ZBBX: variants seen among roughly 807,000 people sequenced by gnomAD.
ZBBX encodes zinc finger B-box domain containing.
A neutral mutation model predicts 108.5 loss-of-function variants in ZBBX; 101 were observed. The observed-to-expected ratio is 0.93, with a 90% CI of 0.79 to 1.10. The LOEUF (loss-of-function observed/expected upper bound fraction) is 1.10, where lower values mean the gene tolerates loss of function less well. Ranked by LOEUF, ZBBX falls within the 50% of genes least tolerant of loss-of-function variation. ZBBX has a pLI of 0.00. For synonymous variants in ZBBX, 356 were observed against 323.4 expected, an observed-to-expected ratio of 1.10 and a Z score of -1.08; for missense variants, 1,009 against 941.4, an observed-to-expected ratio of 1.07 and a Z score of -0.94.
intron 20 of ZBBX, among the ~76,000 whole-genome samples, chr3:167,272,764 G>A (rs1291567646): frequency 6.6e-6 from 1 of 152,108 alleles, no homozygotes; most frequent in East Asian, 1.9e-4. Flanking sequence ...AGTGAAAGGC[G>A]CCCCCTACCA....
chr3:167,315,934 GATGTT>G, intron 14 of ZBBX, 105 bp from the exon 15 acceptor site: 1 of 624,612 alleles, frequency 1.6e-6, no homozygotes, highest in Non-Finnish European at 2.7e-6. Flanking sequence ...TCCTACAAAT[GATGTT>G]ATGAGAGCTC....
At chr3:167,249,810 G>A (rs908916414) in intron 20 of ZBBX, among the ~76,000 whole-genome samples, 4 of 152,284 alleles carry the variant, frequency 2.6e-5, no homozygotes, top group East Asian at 1.9e-4. Context: ...CATATATAGC[G>A]TCAGAGAAGG....
upstream of ZBBX, chr3:167,381,252 T>A (rs1198021282): frequency 1.3e-5 from 2 of 152,188 alleles, no homozygotes; most frequent in Non-Finnish European, 2.9e-5. Flanking sequence ...ACAATGGTAG[T>A]CTTCTGGTTA....
chr3:167,252,896 A>G (rs1722863033), intron 20 of ZBBX, among the ~76,000 whole-genome samples: 1 of 152,216 alleles, frequency 6.6e-6, no homozygotes, highest in African/African-American at 2.4e-5. Flanking sequence ...ATCAATTTTT[A>G]AAATTACAAA....
chr3:167,279,220 C>T (rs1576870066), intron 20 of ZBBX, among the ~76,000 whole-genome samples: 1 of 152,280 alleles, frequency 6.6e-6, no homozygotes, highest in Non-Finnish European at 1.5e-5. Flanking sequence ...CACTCCTGTT[C>T]AACATAGTGT....
chr3:167,363,960 A>G (rs920821127), intron 6 of ZBBX, among the ~76,000 whole-genome samples: 1 of 152,086 alleles, frequency 6.6e-6, no homozygotes, highest in African/African-American at 2.4e-5. Flanking sequence ...ACATTGCTCA[A>G]AAGCTCTTTG....
rs1744242268 is a variant in ZBBX, at chr3:167,359,958, T to C, written c.344A>G (p.Asn115Ser). 6.3e-7 allele frequency: 1 copy of C among 1,593,096 alleles called. No homozygotes were observed. Among genetic ancestry groups the C allele is most frequent in the African/African-American group, 1.3e-5 (1 of 74,076 alleles). The change falls in exon 8 of 22, where the codon AAT becomes AGT. Residue 115 changes from asparagine (N) to serine (S), a missense_variant. Transcript: ENST00000675490. Reference sequence around the variant, plus strand: ...TTCTGAAGAATTTGCCATTTTATAATTAACTGTTGGTTTCACTGGCTCTGC... The same window carrying C: ...TTCTGAAGAATTTGCCATTTTATAACTAACTGTTGGTTTCACTGGCTCTGC... ...QIQEPVKPTV[N>S]YKMANSSECE...
intron 20 of ZBBX, among the ~76,000 whole-genome samples, chr3:167,249,941 A>G (rs2108352451): frequency 6.6e-6 from 1 of 152,340 alleles, no homozygotes; most frequent in South Asian, 2.1e-4. Flanking sequence ...TGGAGGGCTT[A>G]CGTAGGACTA....
intron 18 of ZBBX, among the ~76,000 whole-genome samples, 177 bp downstream of exon 18, chr3:167,298,128 G>A (rs1362271186): frequency 6.6e-6 from 1 of 151,982 alleles, no homozygotes; most frequent in Non-Finnish European, 1.5e-5. Context: ...TAGTTTCATT[G>A]TAAGTCATAG....
rs1486466326 is a variant in ZBBX, at chr3:167,305,857, C to A, written c.1511G>T (p.Arg504Ile). 1.2e-6 allele frequency: 2 copies of A among 1,609,934 alleles called. No homozygotes were observed. The highest frequency in any genetic ancestry group is 2.2e-5 in the East Asian group (1 of 44,736). Residue 504 changes from arginine to isoleucine, a missense_variant, in exon 17 of 22, where the codon AGA becomes ATA. Physicochemically the swap from Arg to Ile is moderately conservative, Grantham distance 97 (BLOSUM62 -3). Transcript: ENST00000675490. ...ACCTATATTTTTCTCCTTTAAATTT[C>A]TTTCAAAGGAGGTGCTTTCCTCAAT... The part of the protein sequence containing the change: ...EKIEESTSFE[R>I]NLKEKNIGLE...
intron 9 of ZBBX, among the ~76,000 whole-genome samples, chr3:167,341,863 C>T (rs1740587990): frequency 6.6e-6 from 1 of 151,790 alleles, no homozygotes; most frequent in South Asian, 2.1e-4. Flanking sequence ...CAAATAGCAA[C>T]AAAATTTGTC....
chr3:167,183,134 C>G, the ZBBX span, among the ~76,000 whole-genome samples: 1 of 152,244 alleles, frequency 6.6e-6, no homozygotes, highest in South Asian at 2.1e-4. Flanking sequence ...CCTCTCCCTC[C>G]TTTGCCACTT....
At chr3:167,330,945 T>G (rs12632641) in intron 10 of ZBBX, among the ~76,000 whole-genome samples, 1 of 87,172 alleles carries the variant, frequency 1.1e-5, no homozygotes. Context: ...CTCTCTTTCT[T>G]TCTCTCTCTC....
chr3:167,349,083 A>G (rs1308221254), intron 9 of ZBBX, among the ~76,000 whole-genome samples: 1 of 152,006 alleles, frequency 6.6e-6, no homozygotes, highest in African/African-American at 2.4e-5. Flanking sequence ...TCAAATTTGG[A>G]TAAATCTTGA....
the ZBBX span, among the ~76,000 whole-genome samples, chr3:167,194,795 T>A: frequency 2.0e-5 from 3 of 152,166 alleles, no homozygotes; most frequent in East Asian, 5.8e-4. Flanking sequence ...TTTAAGGAAC[T>A]GTAGTTTGAC....
intron 6 of ZBBX, among the ~76,000 whole-genome samples, chr3:167,361,275 A>C (rs1421215323): frequency 1.3e-5 from 2 of 152,184 alleles, no homozygotes; most frequent in African/African-American, 4.8e-5. Context: ...AAAATGAATA[A>C]ATAAGATTCA....
intron 10 of ZBBX, among the ~76,000 whole-genome samples, chr3:167,332,290 AACACACACACACAC>A (rs58297167): frequency 1.3e-5 from 2 of 148,756 alleles, no homozygotes; most frequent in African/African-American, 4.9e-5. Context: ...CACACACACA[AACACACACACACAC>A]ACGTCTGAAC....
At chr3:167,236,459 T>C (rs926912680), downstream of ZBBX, among the ~76,000 whole-genome samples, 7 of 151,840 alleles carry the variant, frequency 4.6e-5, no homozygotes, top group Admixed American at 1.3e-4. Context: ...TGTTTTTGAA[T>C]TCATTACTTC....
chr3:167,372,837 T>C lies in ZBBX; in HGVS notation c.65A>G (p.Tyr22Cys). The C allele has an allele frequency of 6.6e-7, 1 of 1,512,296 alleles. No individual in the cohort carries two copies. Among genetic ancestry groups the C allele is most frequent in the African/African-American group, 1.4e-5 (1 of 72,436 alleles). The allele number at this position is 1,512,296 out of a possible 1,614,324, so 93.7% of individuals were successfully genotyped here. A position where few individuals can be genotyped will look rare whatever the true frequency, so the allele number is the denominator to read the frequency against. The change falls in exon 4 of 22, where the codon TAT (tyrosine) becomes TGT (cysteine). Residue 22 changes from tyrosine to cysteine, a missense_variant. Tyr to Cys is a radical substitution (Grantham distance 194). Transcript: ENST00000675490. ...GKPGNSVKLK[Y>C]RNAQELRMEK... ...AAATAAATATATATGAACTCACCTA[T>C]ATTTTAGCTTTACAGAATTTCCAGG...
Sources: gnomAD v4.1 joint callset for allele counts (sites outside exome capture counted in the v4.1 genomes callset) on GRCh38, gnomAD v4.1.1 for gene constraint, MANE v1.5 for transcripts, NCBI Gene and HGNC (gene_info 2026-07-23, HGNC 2026-07-21) for gene names.